VAV3: variants seen among roughly 807,000 people sequenced by gnomAD.
The protein encoded by VAV3 is guanine nucleotide exchange factor VAV3.
VAV3 carries 94 observed loss-of-function variants against 131.2 expected under a neutral mutation model. The ratio of observed to expected loss-of-function variants is 0.72; its 90% CI spans 0.61 to 0.85. The LOEUF is 0.85. VAV3 is among the 40% of genes least tolerant of loss of function. The pLI, the probability that VAV3 is intolerant of heterozygous loss-of-function variation, is 0.00. For missense variants in VAV3, 939 were observed against 1,002.7 expected (o/e 0.94, Z 0.86); for synonymous variants, 349 against 342.0 (o/e 1.02, Z -0.22).
At chr1:107,923,464 T>C (rs1422435521) in intron 1 of VAV3, among the ~76,000 whole-genome samples, 1 of 152,180 alleles carries the variant, frequency 6.6e-6, no homozygotes, top group Non-Finnish European at 1.5e-5. Flanking sequence ...AAAATAGGCC[T>C]GTATTAGTCC....
chr1:107,756,341 G>A (rs1410000842), intron 11 of VAV3, among the ~76,000 whole-genome samples: 3 of 152,072 alleles, frequency 2.0e-5, no homozygotes, highest in Admixed American at 6.6e-5. Flanking sequence ...TCTGCAAAAA[G>A]CAGTTCCTAA....
intron 2 of VAV3, among the ~76,000 whole-genome samples, chr1:107,826,445 C>A (rs1266359980): frequency 6.6e-6 from 1 of 152,016 alleles, no homozygotes; most frequent in Non-Finnish European, 1.5e-5. Context: ...TTGTAAACAG[C>A]GATAATAAGA....
intron 2 of VAV3, among the ~76,000 whole-genome samples, chr1:107,824,679 T>G (rs991638470): frequency 6.6e-6 from 1 of 152,168 alleles, no homozygotes; most frequent in Non-Finnish European, 1.5e-5. Context: ...TTTAACTGAA[T>G]GTTAAATTCA....
intron 1 of VAV3, among the ~76,000 whole-genome samples, chr1:107,913,150 CATATCT>C (rs1672450014): frequency 6.6e-6 from 1 of 152,032 alleles, no homozygotes; most frequent in Admixed American, 6.6e-5. Context: ...GACAGCAATC[CATATCT>C]ATATTTAATG....
At chr1:107,878,071 A>G (rs991591159) in intron 1 of VAV3, among the ~76,000 whole-genome samples, 1 of 152,120 alleles carries the variant, frequency 6.6e-6, no homozygotes, top group African/African-American at 2.4e-5. Flanking sequence ...CAAAAGTTGA[A>G]AGAATACAAT....
At chr1:107,899,886 G>C (rs552984003) in intron 1 of VAV3, among the ~76,000 whole-genome samples, 21 of 152,216 alleles carry the variant, frequency 1.4e-4, no homozygotes, top group African/African-American at 4.8e-4. Flanking sequence ...GGCTTACTTT[G>C]ATCTGTATCT....
intron 20 of VAV3, among the ~76,000 whole-genome samples, chr1:107,619,384 G>A (rs375575156): frequency 1.2e-4 from 18 of 152,286 alleles, no homozygotes; most frequent in African/African-American, 4.1e-4. Flanking sequence ...TGAACTGTTT[G>A]TTTCATTCAG....
At chr1:107,848,595 T>C (rs923194980) in intron 2 of VAV3, among the ~76,000 whole-genome samples, 1 of 152,166 alleles carries the variant, frequency 6.6e-6, no homozygotes, top group African/African-American at 2.4e-5. Flanking sequence ...GAGGTATTTA[T>C]GACAAACCCA....
At chr1:107,898,617 A>G (rs1380180077) in intron 1 of VAV3, among the ~76,000 whole-genome samples, 3 of 152,208 alleles carry the variant, frequency 2.0e-5, no homozygotes, top group African/African-American at 7.2e-5. Flanking sequence ...GGAAGCATTC[A>G]GCAGATTACT....
intron 25 of VAV3, among the ~76,000 whole-genome samples, chr1:107,582,110 C>G (rs1650096872): frequency 6.6e-6 from 1 of 152,106 alleles, no homozygotes; most frequent in Non-Finnish European, 1.5e-5. Context: ...GTTTGCTGCC[C>G]AGCAGTGGCC....
intron 19 of VAV3, among the ~76,000 whole-genome samples, chr1:107,651,573 T>C (rs1167762757): frequency 1.3e-5 from 2 of 150,570 alleles, no homozygotes; most frequent in Admixed American, 1.3e-4. Flanking sequence ...AGGGACCCTT[T>C]CTCTCCCAAA....
intron 2 of VAV3, among the ~76,000 whole-genome samples, chr1:107,845,362 G>C (rs1377467367): frequency 6.6e-6 from 1 of 152,132 alleles, no homozygotes; most frequent in African/African-American, 2.4e-5. Flanking sequence ...CAAAAAGGCT[G>C]AAAATACCAA....
At chr1:107,644,218 T>G (rs895489763) in intron 19 of VAV3, among the ~76,000 whole-genome samples, 2 of 152,156 alleles carry the variant, frequency 1.3e-5, no homozygotes, top group Non-Finnish European at 2.9e-5. Flanking sequence ...TTCTATTAAG[T>G]TGCTACTGCT....
At chr1:107,848,033 G>C (rs1299911620) in intron 2 of VAV3, among the ~76,000 whole-genome samples, 1 of 152,070 alleles carries the variant, frequency 6.6e-6, no homozygotes, top group African/African-American at 2.4e-5. Context: ...TGGCAAACCA[G>C]CCAGGTGTGG....
chr1:107,749,459 C>T lies in VAV3; in HGVS notation c.1392+3G>A, dbSNP rs1663567243. Reference sequence around the variant, plus strand: ...TTACAGTTATTAGTTTCCAAAAAGTCACCTTTTTGTTTTCTTTATCGGTTG... The same window carrying T: ...TTACAGTTATTAGTTTCCAAAAAGTTACCTTTTTGTTTTCTTTATCGGTTG... On this transcript the variant is annotated splice_donor_region_variant and intron_variant, in intron 14 of 26. Coordinates refer to ENST00000370056, the MANE Select transcript of VAV3 (RefSeq NM_006113.5). 6.3e-7 allele frequency: 1 copy of T among 1,584,846 alleles called. No homozygotes were observed. The highest frequency in any genetic ancestry group is 8.5e-7 in the Non-Finnish European group (1 of 1,172,306).
At chr1:107,702,422 A>G (rs1166921240) in intron 17 of VAV3, among the ~76,000 whole-genome samples, 5 of 152,154 alleles carry the variant, frequency 3.3e-5, no homozygotes, top group Admixed American at 1.3e-4. Context: ...GAAGAAACCA[A>G]TACTTACAAA....
At chr1:107,878,134 C>T (rs1445776041) in intron 1 of VAV3, among the ~76,000 whole-genome samples, 1 of 152,062 alleles carries the variant, frequency 6.6e-6, no homozygotes, top group Non-Finnish European at 1.5e-5. Context: ...TATGCTTTTG[C>T]ACCTATACCC....
chr1:107,602,759 CA>C (rs979859549), intron 23 of VAV3, among the ~76,000 whole-genome samples: 5 of 151,960 alleles, frequency 3.3e-5, no homozygotes, highest in African/African-American at 1.2e-4. Flanking sequence ...AAAAATAAGA[CA>C]AAAATCTAGA....
At chr1:107,701,278 TGCAAAGGCCTGGGGCTTGCACCCTCTGAA>T (rs151006054) in intron 17 of VAV3, among the ~76,000 whole-genome samples, 4 of 151,846 alleles carry the variant, frequency 2.6e-5, no homozygotes, top group African/African-American at 7.2e-5. Flanking sequence ...ACATGGAAGC[TGCAAAGGCCTGGGGCTTGCACCCTCTGAA>T]GCAAAGGCCT....
Sources: gnomAD v4.1 joint callset for allele counts (sites outside exome capture counted in the v4.1 genomes callset) on GRCh38, gnomAD v4.1.1 for gene constraint, MANE v1.5 for transcripts, NCBI Gene and HGNC (gene_info 2026-07-23, HGNC 2026-07-21) for gene names.